Variants in ZNF148 observed in about 807,000 individuals in gnomAD.
ZNF148 encodes the protein Beta-Enolase Repressor Factor-1.
Under a neutral mutation model 67.7 loss-of-function variants are expected in ZNF148, and 7 were observed. The observed-to-expected ratio is 0.10, with a 90% CI of 0.06 to 0.19. The LOEUF (loss-of-function observed/expected upper bound fraction) is 0.19. ZNF148 is among the 10% of genes least tolerant of loss of function. ZNF148 has a pLI of 1.00. For synonymous variants in ZNF148, 333 were observed against 330.7 expected (o/e 1.01, Z -0.08); for missense variants, 583 against 947.1 (o/e 0.62, Z 5.05).
rs1262096842 is a variant in ZNF148 at position 125,229,316 on chromosome 3, C to T, written c.*3025G>A. 6.6e-6 allele frequency: 1 copy of T among 151,274 alleles called. No homozygotes were observed. The highest frequency in any genetic ancestry group is 2.4e-5 in the African/African-American group (1 of 41,094). 9.4% of individuals were successfully genotyped at this position (151,274 alleles called of 1,614,324 possible). ...TGCAAGTGTCTCTCCTCTGTGGAAACGAAATCCTGCCCTGAGCACAATTCT... is the reference window on the plus strand; with the variant it reads ...TGCAAGTGTCTCTCCTCTGTGGAAATGAAATCCTGCCCTGAGCACAATTCT... On this transcript the variant is annotated 3_prime_UTR_variant, in exon 9 of 9. Coordinates refer to ENST00000360647, the MANE Select transcript of ZNF148 (RefSeq NM_021964.3).
At chr3:125,321,488 C>A (rs1322903995) in intron 3 of ZNF148, among the ~76,000 whole-genome samples, 1 of 152,084 alleles carries the variant, frequency 6.6e-6, no homozygotes, top group Non-Finnish European at 1.5e-5. Flanking sequence ...CTATACCACA[C>A]TGAAGCCCCT....
At chr3:125,256,209 GA>G (rs984859175) in intron 7 of ZNF148, among the ~76,000 whole-genome samples, 28 of 150,326 alleles carry the variant, frequency 1.9e-4, no homozygotes, top group Admixed American at 6.6e-4. Context: ...TGAAAATACA[GA>G]AAAAAAAATT....
intron 7 of ZNF148, among the ~76,000 whole-genome samples, chr3:125,274,682 G>A (rs930242769): frequency 6.6e-6 from 1 of 152,166 alleles, no homozygotes; most frequent in African/African-American, 2.4e-5. Context: ...ATGTTGCAAA[G>A]GGGCAGAGAA....
At chr3:125,261,755 T>C (rs1216012710) in intron 7 of ZNF148, among the ~76,000 whole-genome samples, 1 of 149,176 alleles carries the variant, frequency 6.7e-6, no homozygotes, top group Non-Finnish European at 1.5e-5. Context: ...AATGACAGTG[T>C]CACCAAGAAA....
chr3:125,337,203 T>C (rs1941536768), intron 1 of ZNF148, among the ~76,000 whole-genome samples: 1 of 152,076 alleles, frequency 6.6e-6, no homozygotes, highest in African/African-American at 2.4e-5. Flanking sequence ...TCAAATCAAC[T>C]ACCCAATACA....
intron 7 of ZNF148, among the ~76,000 whole-genome samples, chr3:125,237,163 C>T (rs1420733141): frequency 6.6e-6 from 1 of 152,142 alleles, no homozygotes; most frequent in African/African-American, 2.4e-5. Context: ...ATTATCAATA[C>T]TGAATACCGC....
intron 2 of ZNF148, among the ~76,000 whole-genome samples, chr3:125,325,514 G>A (rs1940980425): frequency 6.6e-6 from 1 of 152,040 alleles, no homozygotes; most frequent in African/African-American, 2.4e-5. Flanking sequence ...TGCCCAGGCT[G>A]GAGTGCGATA....
intron 1 of ZNF148, among the ~76,000 whole-genome samples, chr3:125,346,407 C>T (rs1466069850): frequency 6.6e-6 from 1 of 152,076 alleles, no homozygotes; most frequent in Non-Finnish European, 1.5e-5. Flanking sequence ...AGAAAGAAGA[C>T]AAGGATGTCT....
intron 7 of ZNF148, among the ~76,000 whole-genome samples, chr3:125,263,886 T>C (rs748728658): frequency 1.1e-4 from 16 of 152,156 alleles, no homozygotes; most frequent in Non-Finnish European, 2.2e-4. Flanking sequence ...AGTAGAAGCC[T>C]AGAAATTTCA....
chr3:125,310,488 T>G (rs571344928), intron 4 of ZNF148, among the ~76,000 whole-genome samples: 2 of 152,172 alleles, frequency 1.3e-5, no homozygotes, highest in East Asian at 3.9e-4. Flanking sequence ...AGAGGAAAAT[T>G]TATAGTATGA....
intron 1 of ZNF148, among the ~76,000 whole-genome samples, chr3:125,358,182 G>A (rs969353830): frequency 1.6e-4 from 24 of 152,090 alleles, no homozygotes; most frequent in African/African-American, 5.1e-4. Flanking sequence ...GTGTGGTGGC[G>A]GGCACCTGTA....
intron 2 of ZNF148, among the ~76,000 whole-genome samples, chr3:125,326,082 T>TC (rs1431470324): frequency 6.6e-6 from 1 of 152,238 alleles, no homozygotes; most frequent in East Asian, 1.9e-4. Flanking sequence ...GAAAAAATAT[T>TC]CCCAGATAAC....
intron 4 of ZNF148, among the ~76,000 whole-genome samples, chr3:125,306,463 T>A (rs1332624347): frequency 6.6e-6 from 1 of 152,078 alleles, no homozygotes; most frequent in Non-Finnish European, 1.5e-5. Context: ...TCACCATTGA[T>A]CCTTAAAACA....
At chr3:125,280,165 G>A (rs1938301462) in intron 5 of ZNF148, among the ~76,000 whole-genome samples, 1 of 151,832 alleles carries the variant, frequency 6.6e-6, no homozygotes, top group African/African-American at 2.4e-5. Flanking sequence ...GTCCATCTGG[G>A]GCATAAGTAC....
chr3:125,365,952 C>G (rs1160355854), intron 1 of ZNF148, among the ~76,000 whole-genome samples: 1 of 152,230 alleles, frequency 6.6e-6, no homozygotes, highest in East Asian at 1.9e-4. Context: ...TTCTTAATAT[C>G]TCCAGTAGCC....
intron 2 of ZNF148, among the ~76,000 whole-genome samples, chr3:125,326,327 C>T (rs757624453): frequency 1.3e-5 from 2 of 152,114 alleles, no homozygotes; most frequent in South Asian, 4.1e-4. Flanking sequence ...CGACACTGTA[C>T]TACTGGGTTT....
chr3:125,337,120 A>G (rs1941532691), intron 1 of ZNF148, among the ~76,000 whole-genome samples: 1 of 152,116 alleles, frequency 6.6e-6, no homozygotes, highest in Non-Finnish European at 1.5e-5. Context: ...GCACTCAGAT[A>G]TATAGAAGCT....
chr3:125,331,766 T>C (rs1388295463), intron 1 of ZNF148, among the ~76,000 whole-genome samples: 2 of 152,230 alleles, frequency 1.3e-5, no homozygotes, highest in Non-Finnish European at 2.9e-5. Context: ...GGTCCATCGA[T>C]ATTTTTTAAA....
chr3:125,312,318 A>G (rs938791250), intron 4 of ZNF148, among the ~76,000 whole-genome samples: 10 of 152,196 alleles, frequency 6.6e-5, no homozygotes, highest in Non-Finnish European at 2.9e-5. Context: ...CATCAGGCTA[A>G]AGAGGAAAAA....
Sources: allele counts gnomAD v4.1 joint callset (sites outside exome capture counted in the v4.1 genomes callset), GRCh38; gene constraint gnomAD v4.1.1; transcripts MANE v1.5; gene names NCBI Gene and HGNC (gene_info 2026-07-23, HGNC 2026-07-21).